Variants in POU6F2 observed in about 807,000 individuals in gnomAD.
The protein encoded by POU6F2 is POU class 6 homeobox 2, also known as POU domain, class 6, transcription factor 2.
In POU6F2, 31 loss-of-function variants were observed where a neutral mutation model predicts 71.3. That is an observed-to-expected ratio of 0.43 (90% CI 0.33 to 0.59). The LOEUF (loss-of-function observed/expected upper bound fraction) is 0.59. Among genes scored for constraint, POU6F2 ranks in the 20% least tolerant of loss-of-function variants. POU6F2 has a pLI of 0.04. For missense variants in POU6F2, 783 were observed against 856.8 expected, an observed-to-expected ratio of 0.91 and a Z score of 1.07; for synonymous variants, 347 against 355.7, an observed-to-expected ratio of 0.98 and a Z score of 0.27.
intron 5 of POU6F2, among the ~76,000 whole-genome samples, chr7:39,372,738 C>G (rs1170038714): frequency 6.6e-6 from 1 of 152,160 alleles, no homozygotes; most frequent in Non-Finnish European, 1.5e-5. Context: ...GATAATGTAT[C>G]ACATCATTAG....
At chr7:39,173,496 G>A (rs1411719393) in intron 2 of POU6F2, among the ~76,000 whole-genome samples, 1 of 152,222 alleles carries the variant, frequency 6.6e-6, no homozygotes, top group Non-Finnish European at 1.5e-5. Context: ...GTAAAGAAAT[G>A]TTGAAAAAGT....
chr7:39,259,519 C>A (rs1417847343), intron 4 of POU6F2, among the ~76,000 whole-genome samples: 1 of 152,080 alleles, frequency 6.6e-6, no homozygotes, highest in Non-Finnish European at 1.5e-5. Flanking sequence ...AGCAGGACAC[C>A]CAGCCCTGAG....
intron 4 of POU6F2, among the ~76,000 whole-genome samples, chr7:39,298,110 A>G (rs1187217772): frequency 6.6e-6 from 1 of 152,200 alleles, no homozygotes; most frequent in Non-Finnish European, 1.5e-5. Flanking sequence ...ATGAGCAAAG[A>G]CTTCATGACA....
intron 1 of POU6F2, among the ~76,000 whole-genome samples, chr7:38,980,417 A>G (rs1252144669): frequency 6.6e-6 from 1 of 152,250 alleles, no homozygotes; most frequent in Non-Finnish European, 1.5e-5. Context: ...ATCTAGAAAT[A>G]TAAAAAAGAA....
At chr7:39,231,926 G>A (rs1794584298) in intron 4 of POU6F2, among the ~76,000 whole-genome samples, 1 of 152,114 alleles carries the variant, frequency 6.6e-6, no homozygotes, top group Non-Finnish European at 1.5e-5. Context: ...TTGAATCTAT[G>A]TTTTTCTAAT....
chr7:38,994,427 A>C (rs1370936965), intron 1 of POU6F2, among the ~76,000 whole-genome samples: 2 of 152,212 alleles, frequency 1.3e-5, no homozygotes, highest in African/African-American at 4.8e-5. Flanking sequence ...AGAACTAGGA[A>C]AATCCATTTG....
intron 2 of POU6F2, among the ~76,000 whole-genome samples, chr7:39,163,950 G>T (rs887306264): frequency 6.6e-6 from 1 of 152,190 alleles, no homozygotes; most frequent in African/African-American, 2.4e-5. Flanking sequence ...GAAGTCCGGG[G>T]AGAAGGGGAG....
rs1554310463 is a variant in POU6F2, at chr7:39,030,504, A to ATATG, written c.105+52449_105+52450insGTAT. Among the ~76,000 whole-genome samples, 2 of 58,514 alleles carry ATATG rather than the reference A, an allele frequency of 3.4e-5. 1 individual carries two copies. The allele number at this position is 58,514 out of a possible 152,430, so 38.4% of individuals were successfully genotyped here. A position where few individuals can be genotyped will look rare whatever the true frequency, so the allele number is the denominator to read the frequency against. On this transcript the variant is annotated intron_variant, in intron 1 of 9. Coordinates refer to ENST00000518318, the MANE Select transcript of POU6F2 (RefSeq NM_001370959.1). ...GTATTGAACTTTCAAAAAATACTAT[A>ATATG]TATATATATATATATATATATATAT...
chr7:39,261,880 T>A (rs1265873546), intron 4 of POU6F2, among the ~76,000 whole-genome samples: 1 of 152,192 alleles, frequency 6.6e-6, no homozygotes, highest in African/African-American at 2.4e-5. Context: ...TCAGAGTAGA[T>A]GTAAAGGAAA....
At chr7:39,422,231 C>T (rs1388610683) in intron 6 of POU6F2, among the ~76,000 whole-genome samples, 2 of 152,072 alleles carry the variant, frequency 1.3e-5, no homozygotes, top group Non-Finnish European at 2.9e-5. Context: ...TTCTAGTGGA[C>T]AAATATAATC....
chr7:39,141,672 T>C (rs944341848), intron 2 of POU6F2, among the ~76,000 whole-genome samples: 8 of 152,356 alleles, frequency 5.3e-5, no homozygotes, highest in African/African-American at 1.9e-4. Flanking sequence ...ATTTCTTTTC[T>C]CAGTCTCAAA....
At chr7:39,004,481 A>AATGAGCTTAACATTCACT (rs1025693881) in intron 1 of POU6F2, among the ~76,000 whole-genome samples, 1 of 152,246 alleles carries the variant, frequency 6.6e-6, no homozygotes, top group African/African-American at 2.4e-5. Flanking sequence ...GTTAAGCTCC[A>AATGAGCTTAACATTCACT]GGACAAGCCC....
intron 9 of POU6F2, among the ~76,000 whole-genome samples, chr7:39,462,995 G>C (rs1788984321): frequency 6.6e-6 from 1 of 152,206 alleles, no homozygotes. Flanking sequence ...CATGGGCTCA[G>C]TTTAGCTCTA....
chr7:39,227,637 C>T (rs1475123241), intron 4 of POU6F2, among the ~76,000 whole-genome samples: 1 of 151,440 alleles, frequency 6.6e-6, no homozygotes, highest in Non-Finnish European at 1.5e-5. Flanking sequence ...TCACTGCAAC[C>T]TCTGCCACCC....
chr7:39,331,570 C>T (rs1245967027), intron 4 of POU6F2, among the ~76,000 whole-genome samples: 1 of 152,150 alleles, frequency 6.6e-6, no homozygotes, highest in Non-Finnish European at 1.5e-5. Flanking sequence ...TGCAGTGGTG[C>T]GATCTCGGCT....
chr7:39,322,409 G>T (rs1785416046), intron 4 of POU6F2, among the ~76,000 whole-genome samples: 1 of 152,172 alleles, frequency 6.6e-6, no homozygotes, highest in Non-Finnish European at 1.5e-5. Context: ...TAATCCATGT[G>T]CTCTATTATG....
intron 5 of POU6F2, among the ~76,000 whole-genome samples, chr7:39,358,002 G>A (rs1204799421): frequency 1.3e-5 from 2 of 152,092 alleles, no homozygotes; most frequent in African/African-American, 2.4e-5. Flanking sequence ...TAGGAGAATT[G>A]GACCTGTAGA....
intron 2 of POU6F2, among the ~76,000 whole-genome samples, chr7:39,118,649 C>T (rs2128727084): frequency 6.6e-6 from 1 of 151,884 alleles, no homozygotes; most frequent in African/African-American, 2.4e-5. Context: ...AGAGGTAGAA[C>T]CAGAAAATTC....
chr7:39,264,104 G>T (rs73382908), intron 4 of POU6F2, among the ~76,000 whole-genome samples: 2,670 of 152,262 alleles, frequency 0.018, 72 homozygotes, highest in African/African-American at 0.061. Flanking sequence ...TCAGCATGGT[G>T]GTGAGGACCA....
Sources: gnomAD v4.1 joint callset for allele counts (sites outside exome capture counted in the v4.1 genomes callset) on GRCh38, gnomAD v4.1.1 for gene constraint, MANE v1.5 for transcripts, NCBI Gene and HGNC (gene_info 2026-07-23, HGNC 2026-07-21) for gene names.